PRSS23: variants seen among roughly 807,000 people sequenced by gnomAD.
PRSS23 encodes the protein serine protease 23.
A neutral mutation model predicts 34.7 loss-of-function variants in PRSS23; 25 were observed. That is an observed-to-expected ratio of 0.72 (90% CI 0.53 to 1.01). The LOEUF (loss-of-function observed/expected upper bound fraction) is 1.01. Ranked by LOEUF, PRSS23 falls within the 50% of genes least tolerant of loss-of-function variation. The pLI is 0.00. For synonymous variants in PRSS23, 176 were observed against 186.6 expected (o/e 0.94, Z 0.46); for missense variants, 445 against 475.6 (o/e 0.94, Z 0.60).
At chr11:86,899,886 G>T (rs1395254803) in intron 2 of PRSS23, among the ~76,000 whole-genome samples, 1 of 151,690 alleles carries the variant, frequency 6.6e-6, no homozygotes, top group Non-Finnish European at 1.5e-5. Context: ...AGTAAATTGG[G>T]AAGAGAAACA....
rs146744735 is a variant in PRSS23, at chr11:86,830,341, G to A, written c.206+6748G>A. ...TTGTGCATCGTTTTTTAAGCCTGTC[G>A]GAAAAGCGCAGTATTAGGGTGGGAG... On this transcript the variant is annotated intron_variant, in intron 2 of 2. Transcript: ENST00000533902. Among the ~76,000 whole-genome samples, 155 of 152,274 alleles carry A rather than the reference G, an allele frequency of 1.0e-3. 3 individuals carry two copies. In the East Asian group the frequency reaches 0.025, roughly 25 times the overall value.
At chr11:86,888,127 C>CA (rs1948817299) in intron 2 of PRSS23, among the ~76,000 whole-genome samples, 3 of 107,028 alleles carry the variant, frequency 2.8e-5, no homozygotes, top group African/African-American at 7.5e-5. Context: ...TAAAAAAAAA[C>CA]AAAACAAAAC....
upstream of PRSS23, among the ~76,000 whole-genome samples, chr11:86,796,327 T>C (rs12421517): frequency 0.15 from 22,566 of 152,166 alleles, 2,238 homozygotes; most frequent in East Asian, 0.41. Flanking sequence ...AAGAAAATCA[T>C]AGCTTCTCTA....
intron 2 of PRSS23, among the ~76,000 whole-genome samples, chr11:86,919,810 T>C (rs1396523050): frequency 6.6e-6 from 1 of 152,208 alleles, no homozygotes; most frequent in African/African-American, 2.4e-5. Context: ...CTTTGTTTTT[T>C]CTAGCCCAAG....
intron 2 of PRSS23, among the ~76,000 whole-genome samples, chr11:86,835,700 T>C (rs1381481337): frequency 6.6e-6 from 1 of 152,198 alleles, no homozygotes; most frequent in Non-Finnish European, 1.5e-5. Context: ...CGTTCCTCAC[T>C]GAGGGCCCTG....
intron 2 of PRSS23, chr11:86,858,040 G>C: frequency 3.8e-6 from 1 of 266,030 alleles, no homozygotes; most frequent in South Asian, 4.3e-5. Flanking sequence ...ATATCTAAGG[G>C]AGTGTACCAC....
intron 2 of PRSS23, among the ~76,000 whole-genome samples, chr11:86,903,093 A>T (rs762754618): frequency 1.3e-5 from 2 of 152,150 alleles, no homozygotes; most frequent in Non-Finnish European, 2.9e-5. Context: ...CATTTGATCC[A>T]GGTCTTGCAT....
At chr11:86,925,316 G>C (rs1225069442) in intron 2 of PRSS23, among the ~76,000 whole-genome samples, 3 of 151,242 alleles carry the variant, frequency 2.0e-5, no homozygotes, top group Admixed American at 1.3e-4. Context: ...GTGTGTGTGT[G>C]TGTGTGTGTG....
At chr11:86,952,755 G>GGAATGATC in exon 3 of PRSS23, 1 of 258,970 alleles carries the variant, frequency 3.9e-6, no homozygotes, top group Admixed American at 4.9e-5. Context: ...AGCCCTCTTT[G>GGAATGATC]CACAACACTT....
chr11:86,895,868 C>T (rs2187159), intron 2 of PRSS23, among the ~76,000 whole-genome samples: 43,948 of 152,064 alleles, frequency 0.29, 7,227 homozygotes, highest in Non-Finnish European at 0.36. Flanking sequence ...ATGTCAATTA[C>T]GGCCAGATAT....
intron 2 of PRSS23, among the ~76,000 whole-genome samples, chr11:86,837,772 A>G (rs1948418032): frequency 1.3e-5 from 2 of 152,194 alleles, no homozygotes; most frequent in South Asian, 2.1e-4. Context: ...ATCTCAAAAA[A>G]AGAGAGAAAG....
chr11:86,915,941 G>A (rs2134998165), intron 2 of PRSS23, among the ~76,000 whole-genome samples: 1 of 152,152 alleles, frequency 6.6e-6, no homozygotes, highest in African/African-American at 2.4e-5. Context: ...TGTAATCCCA[G>A]CTACTCAGGA....
intron 2 of PRSS23, among the ~76,000 whole-genome samples, chr11:86,841,396 C>A (rs1164586140): frequency 6.9e-6 from 1 of 144,974 alleles, no homozygotes; most frequent in Non-Finnish European, 1.5e-5. Flanking sequence ...GAAGCCAGAG[C>A]AAAGAAACTC....
chr11:86,835,515 G>A lies in PRSS23; in HGVS notation c.206+11922G>A, dbSNP rs181188070. ...CCTGGAAAGCTGCTTCTGCTTCAGG[G>A]GTCCATCTTACTAAATGGGTATTGG... On this transcript the variant is annotated intron_variant, in intron 2 of 2. Transcript: ENST00000533902. Among the ~76,000 whole-genome samples the A allele has an allele frequency of 1.3e-3, 201 of 152,284 alleles. 1 individual carries two copies. The highest frequency in any genetic ancestry group is 4.6e-3 in the African/African-American group (191 of 41,554).
intron 1 of PRSS23, among the ~76,000 whole-genome samples, chr11:86,820,524 A>G (rs1374073344): frequency 6.6e-6 from 1 of 152,200 alleles, no homozygotes; most frequent in Non-Finnish European, 1.5e-5. Context: ...GCAGAAAGGT[A>G]AATCCTTTCC....
chr11:86,875,716 T>G (rs751148474), intron 2 of PRSS23, among the ~76,000 whole-genome samples: 1 of 152,216 alleles, frequency 6.6e-6, no homozygotes, highest in Non-Finnish European at 1.5e-5. Flanking sequence ...GACAGAGACC[T>G]CCAATCCCAT....
intron 2 of PRSS23, among the ~76,000 whole-genome samples, chr11:86,887,398 A>AAAAAC (rs1167080268): frequency 8.2e-6 from 1 of 122,012 alleles, no homozygotes; most frequent in African/African-American, 3.1e-5. Flanking sequence ...CAGTCAGGAA[A>AAAAAC]AAAACAAAAC....
At chr11:86,821,899 G>T (rs1261218282) in intron 1 of PRSS23, among the ~76,000 whole-genome samples, 1 of 152,018 alleles carries the variant, frequency 6.6e-6, no homozygotes, top group African/African-American at 2.4e-5. Context: ...ATGTATTAAA[G>T]GATTTTAAAG....
intron 2 of PRSS23, among the ~76,000 whole-genome samples, chr11:86,862,089 A>T (rs762273545): frequency 2.0e-5 from 3 of 151,682 alleles, no homozygotes; most frequent in Non-Finnish European, 2.9e-5. Flanking sequence ...TACTCGCAAT[A>T]TCGCAGGGGG....
Sources: allele counts gnomAD v4.1 joint callset (sites outside exome capture counted in the v4.1 genomes callset), GRCh38; gene constraint gnomAD v4.1.1; transcripts MANE v1.5; gene names NCBI Gene and HGNC (gene_info 2026-07-23, HGNC 2026-07-21).